GUCA2A: variants seen among roughly 807,000 people sequenced by gnomAD.
The protein encoded by GUCA2A is guanylin.
Under a neutral mutation model 11.2 loss-of-function variants are expected in GUCA2A, and 17 were observed. The observed-to-expected ratio is 1.52, with a 90% CI of 1.04 to 2.28. The LOEUF is 2.28. GUCA2A is among the 30% of genes most tolerant of loss of function. The probability of loss-of-function intolerance (pLI) is 0.00; values close to 1 mark genes in which losing one functional copy is unlikely to be tolerated. For synonymous variants in GUCA2A, 64 were observed against 57.1 expected, an observed-to-expected ratio of 1.12 and a Z score of -0.54; for missense variants, 173 against 139.3, an observed-to-expected ratio of 1.24 and a Z score of -1.22.
Position 42,164,356 on chromosome 1 carries a change from G to T in GUCA2A, c.75+282C>A, listed in dbSNP as rs113961864. On this transcript the variant is annotated intron_variant, in intron 1 of 2. Transcript: ENST00000357001. Reference sequence around the variant, plus strand: ...AGGTTGATAGTGGAGCCACAGTGAGGGGCTGGGGAAGGAGCCGGCACATAG... The same window carrying T: ...AGGTTGATAGTGGAGCCACAGTGAGTGGCTGGGGAAGGAGCCGGCACATAG... Among the ~76,000 whole-genome samples the T allele has an allele frequency of 2.4e-3, 364 of 152,370 alleles. 7 individuals are homozygous for T. The highest frequency in any genetic ancestry group is 7.9e-3 in the African/African-American group (327 of 41,598).
In GUCA2A at chr1:42,162,761, G is replaced by A; in HGVS notation, c.*145C>T. 3.0e-6 allele frequency: 2 copies of A among 670,986 alleles called. No homozygotes were observed. The highest frequency in any genetic ancestry group is 5.3e-6 in the Non-Finnish European group (2 of 376,108). The allele number at this position is 670,986 out of a possible 1,614,324, so 41.6% of individuals were successfully genotyped here. On this transcript the variant is annotated 3_prime_UTR_variant, in exon 3 of 3. Coordinates refer to ENST00000357001, the MANE Select transcript of GUCA2A (RefSeq NM_033553.3). ...GGACAGTGTTGGGGCGAGGCCTCCA[G>A]TCACCCAGTTCCTCCCCGGGCTGCT... is the stretch of plus-strand genomic sequence containing the variant.
chr1:42,162,867 C>A lies in GUCA2A; in HGVS notation c.*39G>T. The A allele has an allele frequency of 6.5e-7, 1 of 1,532,874 alleles. No individual in the cohort carries two copies. Among genetic ancestry groups the A allele is most frequent in the Non-Finnish European group, 9.0e-7 (1 of 1,106,420 alleles). 95.0% of individuals were successfully genotyped at this position (1,532,874 alleles called of 1,614,324 possible). ...CCCTTTCTGCAGGAGAAAAGAGCTT[C>A]CCTGCTGCGGAGGGGAGGCAGGCAG... On this transcript the variant is annotated 3_prime_UTR_variant, in exon 3 of 3. Transcript: ENST00000357001.
chr1:42,163,732 C>T lies in GUCA2A; in HGVS notation c.76-122G>A, dbSNP rs192807894. On this transcript the variant is annotated intron_variant, in intron 1 of 2. Transcript: ENST00000357001. ...GGCAGTGTTCGTGGCATATGGGAGC[C>T]AGGCGATCCACAGTGGGGCACTGTG... The T allele has an allele frequency of 1.4e-4, 92 of 653,742 alleles. 1 individual carries two copies. The East Asian group carries it at 2.0e-3, about 14-fold the overall frequency. 40.5% of individuals were successfully genotyped at this position (653,742 alleles called of 1,614,324 possible).
rs1443573453 is a variant in GUCA2A at position 42,164,659 on chromosome 1, C to A, written c.54G>T (p.Leu18Phe). The A allele has an allele frequency of 1.3e-6, 2 of 1,550,496 alleles. No individual in the cohort carries two copies. Among genetic ancestry groups the A allele is most frequent in the East Asian group, 4.9e-5 (2 of 40,962 alleles). The change falls in exon 1 of 3, where the codon TTG becomes TTT. Residue 18 changes from leucine (L) to phenylalanine (F), a missense_variant. Transcript: ENST00000357001. ...TCACCTGCACGGTGACCCCTCCTGC[C>A]AAGGCGGCCCAGGCCCCAAGGAGGC... ...ALCLLGAWAALAGGVTVQDGN... is the reference protein window; with the variant it reads ...ALCLLGAWAAFAGGVTVQDGN...
At chr1:42,163,722 A>C in intron 1 of GUCA2A, 112 bp from the exon 2 acceptor site, 2 of 690,362 alleles carry the variant, frequency 2.9e-6, no homozygotes, top group Non-Finnish European at 4.9e-6. Flanking sequence ...TGTTCGTGGC[A>C]TATGGGAGCC....
At chr1:42,163,342 C>T (rs1302852853) in intron 2 of GUCA2A, 61 bp downstream of exon 2, 1 of 1,079,938 alleles carries the variant, frequency 9.3e-7, no homozygotes, top group East Asian at 2.4e-5. Context: ...CACATCTCTT[C>T]CTCAAGTGCC....
chr1:42,162,752 A>G lies in GUCA2A; in HGVS notation c.*154T>C. On this transcript the variant is annotated 3_prime_UTR_variant, in exon 3 of 3. Coordinates refer to ENST00000357001, the MANE Select transcript of GUCA2A (RefSeq NM_033553.3). Reference sequence around the variant, plus strand: ...GGCAGGGAAGGACAGTGTTGGGGCGAGGCCTCCAGTCACCCAGTTCCTCCC... The same window carrying G: ...GGCAGGGAAGGACAGTGTTGGGGCGGGGCCTCCAGTCACCCAGTTCCTCCC... 1.5e-6 allele frequency: 1 copy of G among 648,650 alleles called. No individual in the cohort carries two copies. The allele number at this position is 648,650 out of a possible 1,614,324, so 40.2% of individuals were successfully genotyped here.
Position 42,163,599 on chromosome 1 carries a change from G to A in GUCA2A, c.87C>T (p.Phe29=), listed in dbSNP as rs745811227. 6.2e-7 allele frequency: 1 copy of A among 1,610,802 alleles called. No homozygotes were observed. Among genetic ancestry groups the A allele is most frequent in the South Asian group, 1.1e-5 (1 of 90,814 alleles). The change falls in exon 2 of 3, where the codon TTC becomes TTT. Residue 29 remains phenylalanine (F), a synonymous_variant. Transcript: ENST00000357001. ...TCTTCACTGACTCCAGAGAAAAGGA[G>A]AAATTTCCATCCTGGAAGAGAGAAG... The part of the protein sequence containing the change: ...AGGVTVQDGN[F]SFSLESVKKL...
At position 42,162,895 on chromosome 1, in the gene GUCA2A, G is replaced by T; in HGVS notation, c.*11C>A. The T allele has an allele frequency of 3.7e-6, 6 of 1,609,018 alleles. No individual in the cohort carries two copies. The highest frequency in any genetic ancestry group is 5.1e-6 in the Non-Finnish European group (6 of 1,175,534). On this transcript the variant is annotated 3_prime_UTR_variant, in exon 3 of 3. Coordinates refer to ENST00000357001, the MANE Select transcript of GUCA2A (RefSeq NM_033553.3). The stretch of plus-strand genomic sequence containing the variant: ...TGCTGCGGAGGGGAGGCAGGCAGTG[G>T]GCAAGCCCCCCTAGCATCCGGTACA...
chr1:42,164,742 T>C lies in GUCA2A; in HGVS notation c.-30A>G. On this transcript the variant is annotated 5_prime_UTR_variant, in exon 1 of 3. Transcript: ENST00000357001. ...GCAGTGCCCGAGAGAGGGGTGGCTG[T>C]TCTGGATGCCAGGGGGAAGCGGCGG... The C allele has an allele frequency of 1.5e-6, 2 of 1,373,248 alleles. No individual in the cohort carries two copies. The highest frequency in any genetic ancestry group is 2.0e-6 in the Non-Finnish European group (2 of 982,198). 85.1% of individuals were successfully genotyped at this position (1,373,248 alleles called of 1,614,324 possible).
In GUCA2A at chr1:42,162,943, C is replaced by T. The variant is rs574953875; in HGVS notation, c.311G>A (p.Cys104Tyr). ...ACAGGCAGCGTAGGCACAGATTTCA[C>T]ATGTGCCCGGGTCCTCAGCGATTTC... is the stretch of plus-strand genomic sequence containing the variant. ...LEEIAEDPGT[C>Y]EICAYAACTG... is the part of the protein sequence containing the mutation. The change falls in exon 3 of 3, where the codon TGT becomes TAT. Residue 104 changes from cysteine (C) to tyrosine (Y), a missense_variant. Physicochemically the swap from Cys to Tyr is radical, Grantham distance 194. Transcript: ENST00000357001. 1.2e-6 allele frequency: 2 copies of T among 1,613,836 alleles called. No individual in the cohort carries two copies. Among genetic ancestry groups the T allele is most frequent in the South Asian group, 2.2e-5 (2 of 91,078 alleles).
intron 1 of GUCA2A, among the ~76,000 whole-genome samples, chr1:42,164,088 T>C (rs1324308839): frequency 6.6e-6 from 1 of 152,222 alleles, no homozygotes; most frequent in African/African-American, 2.4e-5. Context: ...CTGGCTTTGA[T>C]AGAGATCAGG....
intron 1 of GUCA2A, 97 bp from the exon 2 acceptor site, chr1:42,163,707 GGCA>G: frequency 1.3e-6 from 1 of 776,270 alleles, no homozygotes; most frequent in South Asian, 1.8e-5. Context: ...GGTGCTCACA[GGCA>G]GTGTTCGTGG....
At position 42,164,576 on chromosome 1, in the gene GUCA2A, G is replaced by C; in HGVS notation, c.75+62C>G. Reference sequence around the variant, plus strand: ...CCAAAGAGGAGGTACTCTCTCAGGGGACCAGACCTGGGCACTAGGGGCAGG... The same window carrying C: ...CCAAAGAGGAGGTACTCTCTCAGGGCACCAGACCTGGGCACTAGGGGCAGG... On this transcript the variant is annotated intron_variant, in intron 1 of 2. Transcript: ENST00000357001. 9.5e-6 allele frequency: 9 copies of C among 951,132 alleles called. No homozygotes were observed. In the South Asian group the frequency reaches 1.2e-4, roughly 13 times the overall value. The allele number at this position is 951,132 out of a possible 1,614,324, so 58.9% of individuals were successfully genotyped here.
At position 42,163,437 on chromosome 1, in the gene GUCA2A, C is replaced by T; in HGVS notation, c.249G>A (p.Lys83=). The T allele has an allele frequency of 3.1e-6, 5 of 1,613,902 alleles. No individual in the cohort carries two copies. The highest frequency in any genetic ancestry group is 4.2e-6 in the Non-Finnish European group (5 of 1,179,820). Reference sequence around the variant, plus strand: ...GAAGTATCTCCTGGGCATTGGGCTCCTTGCAGAGAGGCTTGAGTTCTTCTG... The same window carrying T: ...GAAGTATCTCCTGGGCATTGGGCTCTTTGCAGAGAGGCTTGAGTTCTTCTG... ...NFPEELKPLC[K]EPNAQEILQR... is the part of the protein sequence containing the mutation. The change falls in exon 2 of 3, where the codon AAG becomes AAA. Residue 83 remains lysine (K), a synonymous_variant. Coordinates refer to ENST00000357001, the MANE Select transcript of GUCA2A (RefSeq NM_033553.3).
rs1042709598 is a variant in GUCA2A, at chr1:42,162,874, G to A, written c.*32C>T. The A allele has an allele frequency of 3.8e-6, 6 of 1,568,976 alleles. No homozygotes were observed. The highest frequency in any genetic ancestry group is 1.4e-5 in the African/African-American group (1 of 73,734). Reference sequence around the variant, plus strand: ...TGCAGGAGAAAAGAGCTTCCCTGCTGCGGAGGGGAGGCAGGCAGTGGGCAA... The same window carrying A: ...TGCAGGAGAAAAGAGCTTCCCTGCTACGGAGGGGAGGCAGGCAGTGGGCAA... On this transcript the variant is annotated 3_prime_UTR_variant, in exon 3 of 3. Transcript: ENST00000357001.
Position 42,163,425 on chromosome 1 carries a change from G to A in GUCA2A, c.261C>T (p.Ala87=), listed in dbSNP as rs144332034. 6.2e-7 allele frequency: 1 copy of A among 1,612,522 alleles called. No homozygotes were observed. ...CACCCAGCCTCTGAAGTATCTCCTG[G>A]GCATTGGGCTCCTTGCAGAGAGGCT... The part of the protein sequence containing the change: ...ELKPLCKEPN[A]QEILQRLEEI... Residue 87 remains alanine (A), a synonymous_variant, in exon 2 of 3, where the codon GCC becomes GCT. Transcript: ENST00000357001.
intron 1 of GUCA2A, 23 bp downstream of exon 1, chr1:42,164,615 C>A (rs1313598862): frequency 1.4e-6 from 2 of 1,467,562 alleles, no homozygotes; most frequent in South Asian, 2.4e-5. Flanking sequence ...CCAGCTGGGC[C>A]GGGGTAGGGA....
In GUCA2A at chr1:42,162,716, G is replaced by A; in HGVS notation, c.*190C>T. 1.7e-6 allele frequency: 1 copy of A among 600,610 alleles called. No individual in the cohort carries two copies. The allele number at this position is 600,610 out of a possible 1,614,324, so 37.2% of individuals were successfully genotyped here. A position where few individuals can be genotyped will look rare whatever the true frequency, so the allele number is the denominator to read the frequency against. The stretch of plus-strand genomic sequence containing the variant: ...ACTCTGGAATCTGGTTTATTAGCTG[G>A]GGGTTGAAGTGGCAGGGAAGGACAG... On this transcript the variant is annotated 3_prime_UTR_variant, in exon 3 of 3. Coordinates refer to ENST00000357001, the MANE Select transcript of GUCA2A (RefSeq NM_033553.3).
Sources: gnomAD v4.1 joint callset for allele counts (sites outside exome capture counted in the v4.1 genomes callset) on GRCh38, gnomAD v4.1.1 for gene constraint, MANE v1.5 for transcripts, NCBI Gene and HGNC (gene_info 2026-07-23, HGNC 2026-07-21) for gene names.